Variants in STK33 observed in about 807,000 individuals in gnomAD.
The protein encoded by STK33 is serine/threonine kinase 33.
A neutral mutation model predicts 58.0 loss-of-function variants in STK33; 52 were observed. That is an observed-to-expected ratio of 0.90 (90% CI 0.72 to 1.13). The LOEUF is 1.13. Ranked by LOEUF, STK33 falls within the 50% of genes most tolerant of loss-of-function variation. The probability of loss-of-function intolerance (pLI) is 0.00; values close to 1 mark genes in which losing one functional copy is unlikely to be tolerated. For missense variants in STK33, 630 were observed against 604.2 expected (o/e 1.04, Z -0.45); for synonymous variants, 215 against 200.1 (o/e 1.07, Z -0.63).
chr11:8,391,192 C>T (rs762104253), downstream of STK33, among the ~76,000 whole-genome samples: 1 of 152,124 alleles, frequency 6.6e-6, no homozygotes, highest in Non-Finnish European at 1.5e-5. Flanking sequence ...AAGCTTAAAG[C>T]TCAGGATATG....
At chr11:8,519,921 G>A (rs1417601813) in intron 1 of STK33, among the ~76,000 whole-genome samples, 3 of 152,152 alleles carry the variant, frequency 2.0e-5, no homozygotes, top group Admixed American at 6.5e-5. Context: ...GGTACAAAGA[G>A]GAGCTGGTAC....
chr11:8,439,138 C>T (rs1944412796), intron 12 of STK33, among the ~76,000 whole-genome samples: 1 of 152,126 alleles, frequency 6.6e-6, no homozygotes, highest in Non-Finnish European at 1.5e-5. Flanking sequence ...AGAGGCAGAA[C>T]AATGGTCACT....
At chr11:8,375,453 A>C in the STK33 span, among the ~76,000 whole-genome samples, 2 of 152,198 alleles carry the variant, frequency 1.3e-5, no homozygotes, top group Non-Finnish European at 2.9e-5. Flanking sequence ...GTGTTAATTT[A>C]AGTAACTGGC....
chr11:8,410,934 G>C (rs895272542), intron 15 of STK33, among the ~76,000 whole-genome samples: 1 of 152,134 alleles, frequency 6.6e-6, no homozygotes, highest in Non-Finnish European at 1.5e-5. Flanking sequence ...GTTATGGGGA[G>C]GTATACTTTA....
At chr11:8,380,216 CA>C in the STK33 span, among the ~76,000 whole-genome samples, 13 of 152,210 alleles carry the variant, frequency 8.5e-5, no homozygotes, top group East Asian at 2.5e-3. Context: ...CTGTTTTCCA[CA>C]ATGGTTGAAC....
intron 1 of STK33, among the ~76,000 whole-genome samples, chr11:8,561,500 T>C (rs1163433869): frequency 6.6e-6 from 1 of 152,202 alleles, no homozygotes; most frequent in Non-Finnish European, 1.5e-5. Flanking sequence ...TACTGTTACA[T>C]ACTTATTTGA....
At chr11:8,456,444 G>C (rs1423687382) in intron 9 of STK33, among the ~76,000 whole-genome samples, 1 of 152,220 alleles carries the variant, frequency 6.6e-6, no homozygotes, top group Non-Finnish European at 1.5e-5. Flanking sequence ...AAGTTCCTTG[G>C]AGAGCAGGGG....
At chr11:8,558,451 T>G (rs934161143) in intron 1 of STK33, among the ~76,000 whole-genome samples, 1 of 151,898 alleles carries the variant, frequency 6.6e-6, no homozygotes, top group Non-Finnish European at 1.5e-5. Flanking sequence ...AATCATAGCA[T>G]TTTTGTATAT....
intron 6 of STK33, among the ~76,000 whole-genome samples, chr11:8,472,814 T>C (rs1460662437): frequency 6.6e-6 from 1 of 152,180 alleles, no homozygotes; most frequent in Non-Finnish European, 1.5e-5. Context: ...ATCAAGGAAG[T>C]GAACAGCCAA....
chr11:8,498,713 T>C (rs543542254), intron 1 of STK33, among the ~76,000 whole-genome samples: 1 of 152,336 alleles, frequency 6.6e-6, no homozygotes, highest in East Asian at 1.9e-4. Flanking sequence ...CAAAACAGCC[T>C]GGTACTGGTA....
At chr11:8,534,568 C>CTCTCTCTCTCTGTG (rs1402710450) in intron 1 of STK33, among the ~76,000 whole-genome samples, 1 of 104,694 alleles carries the variant, frequency 9.6e-6, no homozygotes, top group African/African-American at 4.1e-5. Context: ...CTCTCTCTCT[C>CTCTCTCTCTCTGTG]TGTGTGTGTG....
chr11:8,514,906 C>CT (rs1226365630), intron 1 of STK33, among the ~76,000 whole-genome samples: 1 of 151,976 alleles, frequency 6.6e-6, no homozygotes, highest in East Asian at 1.9e-4. Context: ...GATAGAGACT[C>CT]TAACTATCAA....
At chr11:8,427,323 A>C (rs192116508) in intron 14 of STK33, among the ~76,000 whole-genome samples, 2 of 152,318 alleles carry the variant, frequency 1.3e-5, no homozygotes, top group African/African-American at 4.8e-5. Flanking sequence ...GTTGCTGCTG[A>C]AAAGTAGGAT....
At chr11:8,491,913 C>G (rs984788243) in intron 1 of STK33, among the ~76,000 whole-genome samples, 1 of 152,114 alleles carries the variant, frequency 6.6e-6, no homozygotes, top group Admixed American at 6.5e-5. Context: ...TTGTCACCAC[C>G]AGGCCTGCCC....
intron 15 of STK33, among the ~76,000 whole-genome samples, chr11:8,397,524 G>A (rs559306037): frequency 6.6e-6 from 1 of 152,312 alleles, no homozygotes; most frequent in East Asian, 1.9e-4. Flanking sequence ...AACCAGAGCA[G>A]AAAAACTGGA....
chr11:8,536,867 G>C (rs564672620), intron 1 of STK33, among the ~76,000 whole-genome samples: 2 of 134,768 alleles, frequency 1.5e-5, no homozygotes, highest in South Asian at 4.9e-4. Flanking sequence ...CTGCAACCTT[G>C]AGCTCCTGGG....
chr11:8,406,093 A>T (rs372814238), intron 15 of STK33, among the ~76,000 whole-genome samples: 20 of 145,774 alleles, frequency 1.4e-4, no homozygotes, highest in African/African-American at 5.0e-4. Context: ...CAGTGAGCCG[A>T]GATCGCGCCA....
intron 14 of STK33, among the ~76,000 whole-genome samples, chr11:8,416,235 A>G (rs79168916): frequency 0.012 from 1,763 of 152,296 alleles, 41 homozygotes; most frequent in African/African-American, 0.037. Flanking sequence ...GAATGCTGAC[A>G]CTACCACCGT....
Position 8,392,389 on chromosome 11 carries a change from G to T in STK33, c.*121C>A. ...TAAGCTGGTGCAAACACATGGCGGG[G>T]CTCTGTGGAGCTAAAAGGCTACAAG... is the stretch of plus-strand genomic sequence containing the variant. On this transcript the variant is annotated 3_prime_UTR_variant, in exon 16 of 16. Coordinates refer to ENST00000687296, the MANE Select transcript of STK33 (RefSeq NM_001352389.2). 1 of 1,122,706 alleles carries T rather than the reference G, an allele frequency of 8.9e-7. No homozygotes were observed. The highest frequency in any genetic ancestry group is 1.3e-6 in the Non-Finnish European group (1 of 769,364). 69.5% of individuals were successfully genotyped at this position (1,122,706 alleles called of 1,614,324 possible).
Sources: gnomAD v4.1 joint callset for allele counts (sites outside exome capture counted in the v4.1 genomes callset) on GRCh38, gnomAD v4.1.1 for gene constraint, MANE v1.5 for transcripts, NCBI Gene and HGNC (gene_info 2026-07-23, HGNC 2026-07-21) for gene names.